EIF4E: variants seen among roughly 807,000 people sequenced by gnomAD.
EIF4E encodes eIF-4F 25 kDa subunit.
For synonymous variants in EIF4E, 71 were observed against 88.5 expected, an observed-to-expected ratio of 0.80 and a Z score of 1.11; for missense variants, 113 against 265.6, an observed-to-expected ratio of 0.43 and a Z score of 3.99.
At position 98,881,234 on chromosome 4, in the gene EIF4E, T is replaced by C. The variant is rs1227203009; in HGVS notation, c.540-92A>G. 4.6e-6 allele frequency: 7 copies of C among 1,506,436 alleles called. No homozygotes were observed. In the African/African-American group the frequency reaches 7.1e-5, roughly 15 times the overall value. The allele number at this position is 1,506,436 out of a possible 1,614,324, so 93.3% of individuals were successfully genotyped here. A position where few individuals can be genotyped will look rare whatever the true frequency, so the allele number is the denominator to read the frequency against. ...AAAAATTTAGGGTTATTAGTCTTTATATTAAAAAACATAGACTTGAGAATA... is the reference window on the plus strand; with the variant it reads ...AAAAATTTAGGGTTATTAGTCTTTACATTAAAAAACATAGACTTGAGAATA... On this transcript the variant is annotated intron_variant, in intron 6 of 6. Transcript: ENST00000450253.
chr4:98,913,657 A>C (rs1725247603), intron 1 of EIF4E, among the ~76,000 whole-genome samples: 1 of 152,198 alleles, frequency 6.6e-6, no homozygotes, highest in Non-Finnish European at 1.5e-5. Context: ...TATTTTGAAG[A>C]AATATATACC....
intron 1 of EIF4E, among the ~76,000 whole-genome samples, chr4:98,923,283 GAC>G (rs550321308): frequency 3.4e-5 from 5 of 148,296 alleles, no homozygotes; most frequent in Non-Finnish European, 4.5e-5. Context: ...TAGTATTTTA[GAC>G]ACACACACAC....
chr4:98,880,320 C>G lies in EIF4E; in HGVS notation c.*708G>C. On this transcript the variant is annotated 3_prime_UTR_variant, in exon 7 of 7. Transcript: ENST00000450253. ...ATAGATCACTGATTTGAATGAAATGCATAAATTTGTAGCAAAGCTTTGTAG... is the reference window on the plus strand; with the variant it reads ...ATAGATCACTGATTTGAATGAAATGGATAAATTTGTAGCAAAGCTTTGTAG... The G allele has an allele frequency of 8.1e-6, 1 of 123,674 alleles. No individual in the cohort carries two copies. Among genetic ancestry groups the G allele is most frequent in the South Asian group, 3.0e-4 (1 of 3,364 alleles). The allele number at this position is 123,674 out of a possible 1,614,324, so 7.7% of individuals were successfully genotyped here.
chr4:98,917,133 C>CACACACACAA (rs1386548303), intron 1 of EIF4E, among the ~76,000 whole-genome samples: 3 of 55,244 alleles, frequency 5.4e-5, no homozygotes, highest in South Asian at 4.5e-4. Flanking sequence ...CACACACACA[C>CACACACACAA]AAAAAAAACC....
At position 98,901,967 on chromosome 4, in the gene EIF4E, G is replaced by A; in HGVS notation, c.34C>T (p.Pro12Ser). The change falls in exon 2 of 7, where the codon CCT becomes TCT. Residue 12 changes from proline to serine, a missense_variant. Coordinates refer to ENST00000450253, the MANE Select transcript of EIF4E (RefSeq NM_001968.5). Reference sequence around the variant, plus strand: ...TCCTCTTCTGTAGTCGGGGGATTAGGAGTAGGGGTGGTTTCCTAGTGGAAA... The same window carrying A: ...TCCTCTTCTGTAGTCGGGGGATTAGAAGTAGGGGTGGTTTCCTAGTGGAAA... ...ATVEPETTPT[P>S]NPPTTEEEKT... 1 of 1,613,714 alleles carries A rather than the reference G, an allele frequency of 6.2e-7. No homozygotes were observed. The highest frequency in any genetic ancestry group is 8.5e-7 in the Non-Finnish European group (1 of 1,179,910).
intron 6 of EIF4E, among the ~76,000 whole-genome samples, chr4:98,882,755 A>C (rs1283897298): frequency 6.6e-6 from 1 of 152,046 alleles, no homozygotes; most frequent in Non-Finnish European, 1.5e-5. Flanking sequence ...CTGAAGTCTT[A>C]ATATACACTC....
chr4:98,900,150 T>C (rs745604205), intron 2 of EIF4E, among the ~76,000 whole-genome samples: 2 of 151,976 alleles, frequency 1.3e-5, no homozygotes, highest in South Asian at 2.1e-4. Context: ...GTTTGTTTCA[T>C]ATCACTGAAA....
chr4:98,905,793 G>A lies in EIF4E; in HGVS notation c.19-3811C>T, dbSNP rs566001977. Among the ~76,000 whole-genome samples, 7 of 152,192 alleles carry A rather than the reference G, an allele frequency of 4.6e-5. No homozygotes were observed. The South Asian group carries it at 1.0e-3, about 23-fold the overall frequency. Reference sequence around the variant, plus strand: ...ATAGCAACAAGAGAAAGTTGAAAGCGAAGAAAAAAAGCAAGCAAGGGTGAG... The same window carrying A: ...ATAGCAACAAGAGAAAGTTGAAAGCAAAGAAAAAAAGCAAGCAAGGGTGAG... On this transcript the variant is annotated intron_variant, in intron 1 of 6. Coordinates refer to ENST00000450253, the MANE Select transcript of EIF4E (RefSeq NM_001968.5).
At chr4:98,901,835 T>C (rs1724661206) in intron 2 of EIF4E, 41 bp downstream of exon 2, 2 of 1,567,140 alleles carry the variant, frequency 1.3e-6, no homozygotes, top group Non-Finnish European at 1.8e-6. Context: ...ACAATTTACC[T>C]TGTGGCCTAA....
At chr4:98,925,687 T>A (rs970549860) in intron 1 of EIF4E, among the ~76,000 whole-genome samples, 1 of 152,280 alleles carries the variant, frequency 6.6e-6, no homozygotes, top group East Asian at 1.9e-4. Context: ...ACAAAAATCA[T>A]CCAGATACCT....
intron 1 of EIF4E, among the ~76,000 whole-genome samples, chr4:98,911,610 G>A (rs1328656763): frequency 1.5e-5 from 2 of 131,550 alleles, no homozygotes; most frequent in Non-Finnish European, 3.1e-5. Context: ...GCAGTGAGCT[G>A]AGATCAAGCC....
intron 6 of EIF4E, among the ~76,000 whole-genome samples, chr4:98,882,780 T>C (rs973480743): frequency 5.9e-5 from 9 of 151,354 alleles, no homozygotes; most frequent in African/African-American, 1.9e-4. Flanking sequence ...ACATTTAATA[T>C]TGACAAAAAT....
At chr4:98,898,437 T>C (rs1724510016) in intron 2 of EIF4E, among the ~76,000 whole-genome samples, 1 of 152,060 alleles carries the variant, frequency 6.6e-6, no homozygotes, top group East Asian at 1.9e-4. Flanking sequence ...TGAAACCCCG[T>C]CTCTATTAGA....
At chr4:98,926,806 C>T (rs1275053452) in intron 1 of EIF4E, among the ~76,000 whole-genome samples, 1 of 152,196 alleles carries the variant, frequency 6.6e-6, no homozygotes, top group Non-Finnish European at 1.5e-5. Context: ...CTAAAGAACA[C>T]TTGGTACAAC....
intron 2 of EIF4E, among the ~76,000 whole-genome samples, chr4:98,894,141 C>T (rs1228151246): frequency 2.0e-5 from 3 of 152,230 alleles, no homozygotes; most frequent in African/African-American, 7.2e-5. Flanking sequence ...AATCGATGCA[C>T]TGTCATCCAG....
chr4:98,895,025 G>A (rs1724315691), intron 2 of EIF4E: 1 of 152,254 alleles, frequency 6.6e-6, no homozygotes, highest in African/African-American at 2.4e-5. Flanking sequence ...CCAGTCAGTG[G>A]AGCAGTCAGA....
chr4:98,888,109 G>A (rs986847462), intron 3 of EIF4E, among the ~76,000 whole-genome samples, 157 bp from the exon 4 acceptor site: 1 of 152,042 alleles, frequency 6.6e-6, no homozygotes, highest in East Asian at 1.9e-4. Flanking sequence ...GGACAAAACA[G>A]ATCTTAAAAG....
At chr4:98,916,072 T>C (rs948914065) in intron 1 of EIF4E, among the ~76,000 whole-genome samples, 1 of 151,522 alleles carries the variant, frequency 6.6e-6, no homozygotes, top group African/African-American at 2.4e-5. Flanking sequence ...GCACCTGTAA[T>C]CCCAGCTACT....
rs768619573 is a variant in EIF4E at position 98,901,916 on chromosome 4, C to T, written c.85G>A (p.Ala29Thr). Residue 29 changes from alanine to threonine, a missense_variant, in exon 2 of 7, where the codon GCT becomes ACT. Physicochemically the swap from Ala to Thr is moderately conservative, Grantham distance 58 (BLOSUM62 0). Coordinates refer to ENST00000450253, the MANE Select transcript of EIF4E (RefSeq NM_001968.5). ...TGTTTAATATAGTGTTCTGGGTTAGCAACCTCCTGATTAGATTCCGTTTTC... is the reference window on the plus strand; with the variant it reads ...TGTTTAATATAGTGTTCTGGGTTAGTAACCTCCTGATTAGATTCCGTTTTC... The part of the protein sequence containing the change: ...EEKTESNQEV[A>T]NPEHYIKHPL... 3.1e-6 allele frequency: 5 copies of T among 1,612,532 alleles called. No homozygotes were observed. Among genetic ancestry groups the T allele is most frequent in the Non-Finnish European group, 4.2e-6 (5 of 1,179,874 alleles).
Sources: gnomAD v4.1 joint callset for allele counts (sites outside exome capture counted in the v4.1 genomes callset) on GRCh38, gnomAD v4.1.1 for gene constraint, MANE v1.5 for transcripts, NCBI Gene and HGNC (gene_info 2026-07-23, HGNC 2026-07-21) for gene names.